Variants in POLR3E observed in about 807,000 individuals in gnomAD.
POLR3E encodes RNA polymerase III subunit E, also known as DNA-directed RNA polymerase III subunit RPC5.
Under a neutral mutation model 96.6 loss-of-function variants are expected in POLR3E, and 41 were observed. The ratio of observed to expected loss-of-function variants is 0.42; its 90% CI spans 0.33 to 0.55. POLR3E has a LOEUF of 0.55. Ranked by LOEUF, POLR3E falls within the 20% of genes least tolerant of loss-of-function variation. The probability of loss-of-function intolerance (pLI) is 0.06; values close to 1 mark genes in which losing one functional copy is unlikely to be tolerated. For missense variants in POLR3E, 849 were observed against 952.1 expected (o/e 0.89, Z 1.43); for synonymous variants, 396 against 383.6 (o/e 1.03, Z -0.38).
chr16:22,308,470 A>G (rs759255118), intron 4 of POLR3E: 72 of 539,718 alleles, frequency 1.3e-4, no homozygotes, highest in Non-Finnish European at 2.1e-4. Flanking sequence ...GGTTCCCAGG[A>G]TAAGACGAGG....
At chr16:22,328,282 C>T (rs113465908) in intron 18 of POLR3E, 61 of 551,222 alleles carry the variant, frequency 1.1e-4, no homozygotes, top group East Asian at 5.8e-4. Context: ...CTCCCCCTCT[C>T]GCTGAAGCCC....
intron 8 of POLR3E, among the ~76,000 whole-genome samples, chr16:22,314,537 A>G (rs1036219166): frequency 6.6e-6 from 1 of 152,232 alleles, no homozygotes. Flanking sequence ...AAAGAATCTT[A>G]ACCTTCCATT....
intron 9 of POLR3E, among the ~76,000 whole-genome samples, chr16:22,315,977 T>C (rs1478859426): frequency 1.3e-5 from 2 of 152,148 alleles, no homozygotes; most frequent in Non-Finnish European, 2.9e-5. Flanking sequence ...CCCTGGTGCA[T>C]TGATTTTAGA....
rs1413662049 is a variant in POLR3E, at chr16:22,326,212, C to T, written c.1800C>T (p.Ser600=). 7.4e-6 allele frequency: 12 copies of T among 1,613,538 alleles called. No individual in the cohort carries two copies. The East Asian group carries it at 1.8e-4, about 24-fold the overall frequency. The change falls in exon 18 of 21, where the codon AGC becomes AGT. Residue 600 remains serine (S), a synonymous_variant. Coordinates refer to ENST00000299853, the MANE Select transcript of POLR3E (RefSeq NM_018119.4). ...TGCCCCCCGGCCACACACTCTTCAG[C>T]GGCATCTCGGACCGCATGCTACAGG... ...ASLPPGHTLF[S]GISDRMLQDT...
chr16:22,302,737 C>CT (rs1307225773), intron 1 of POLR3E, 194 bp from the exon 2 acceptor site: 6 of 586,668 alleles, frequency 1.0e-5, no homozygotes, highest in Non-Finnish European at 1.8e-5. Flanking sequence ...TTGAGTGTTT[C>CT]TTTTTTTCTT....
intron 19 of POLR3E, among the ~76,000 whole-genome samples, chr16:22,329,322 A>T (rs572540568): frequency 6.6e-6 from 1 of 152,270 alleles, no homozygotes; most frequent in African/African-American, 2.4e-5. Context: ...GCCTCTAGTC[A>T]TACTGTGATG....
intron 1 of POLR3E, among the ~76,000 whole-genome samples, chr16:22,298,559 G>A (rs528518396): frequency 6.6e-5 from 10 of 152,198 alleles, no homozygotes; most frequent in South Asian, 2.1e-4. Context: ...AGCTGTGGTG[G>A]GATTTGAACC....
At chr16:22,299,935 G>C (rs946555340) in intron 1 of POLR3E, among the ~76,000 whole-genome samples, 1 of 151,968 alleles carries the variant, frequency 6.6e-6, no homozygotes, top group Non-Finnish European at 1.5e-5. Context: ...GGCTGGTCTC[G>C]AACTCCTGGT....
At chr16:22,323,027 C>T (rs2048502685) in intron 14 of POLR3E, 96 bp downstream of exon 14, 3 of 780,554 alleles carry the variant, frequency 3.8e-6, no homozygotes, top group African/African-American at 1.7e-5. Context: ...GCAGAGGCTC[C>T]AGGTGGAGGC....
At chr16:22,302,207 C>T (rs1313282698) in intron 1 of POLR3E, among the ~76,000 whole-genome samples, 5 of 152,086 alleles carry the variant, frequency 3.3e-5, no homozygotes, top group East Asian at 3.9e-4. Context: ...AGGCCTTTCC[C>T]GCCTCTCAAC....
chr16:22,317,039 A>G lies in POLR3E; in HGVS notation c.773A>G (p.Lys258Arg), dbSNP rs1357079132. 6.2e-7 allele frequency: 1 copy of G among 1,614,120 alleles called. No individual in the cohort carries two copies. Among genetic ancestry groups the G allele is most frequent in the Non-Finnish European group, 8.5e-7 (1 of 1,179,952 alleles). The change falls in exon 11 of 21, where the codon AAA (lysine) becomes AGA (arginine). Residue 258 changes from lysine to arginine, a missense_variant and splice_region_variant. Transcript: ENST00000299853. ...MLMPPSQEEE[K>R]DKPVAPSNVL... ...ATGCCACCCAGCCAGGAGGAGGAGA[A>G]GTGAGTAGAGGCGGCAGGACACCCT...
Position 22,302,982 on chromosome 16 carries a change from A to G in POLR3E, c.14A>G (p.Glu5Gly), listed in dbSNP as rs2048057956. 5 of 1,614,022 alleles carry G rather than the reference A, an allele frequency of 3.1e-6. No individual in the cohort carries two copies. In the East Asian group the frequency reaches 1.1e-4, roughly 36 times the overall value. Residue 5 changes from glutamate to glycine, a missense_variant, in exon 2 of 21, where the codon GAG becomes GGG. Transcript: ENST00000299853. ...CTCTCCTCTAGTATGGCCAATGAAG[A>G]GGATGACCCAGTTGTACAGGAGGTA... MANEEDDPVVQEIDV... is the reference protein window; with the variant it reads MANEGDDPVVQEIDV...
chr16:22,306,049 G>A (rs1486342593), intron 3 of POLR3E, among the ~76,000 whole-genome samples: 4 of 152,104 alleles, frequency 2.6e-5, no homozygotes. Context: ...GCCTATTAGC[G>A]ATCAGTCTGT....
At chr16:22,300,856 C>A (rs2048006697) in intron 1 of POLR3E, among the ~76,000 whole-genome samples, 1 of 152,208 alleles carries the variant, frequency 6.6e-6, no homozygotes, top group Non-Finnish European at 1.5e-5. Context: ...ATTTAGACAA[C>A]AAACATGTAT....
chr16:22,325,917 TGAGCGAGGA>T lies in POLR3E; in HGVS notation c.1507_1515del (p.Ser503_Glu505del). ...GGTGTGCGGATCAAGGAGGAGCCCG[TGAGCGAGGA>T]GGGCGAGGAGGACGAGGAGCAGGAG... On this transcript the variant is annotated inframe_deletion, in exon 18 of 21. Transcript: ENST00000299853. 1.9e-6 allele frequency: 3 copies of T among 1,602,946 alleles called. No individual in the cohort carries two copies. Among genetic ancestry groups the T allele is most frequent in the Non-Finnish European group, 2.6e-6 (3 of 1,174,660 alleles).
At chr16:22,314,325 G>C (rs1480485234) in intron 8 of POLR3E, among the ~76,000 whole-genome samples, 197 bp downstream of exon 8, 1 of 152,190 alleles carries the variant, frequency 6.6e-6, no homozygotes, top group Non-Finnish European at 1.5e-5. Context: ...CTGGATCCAG[G>C]AGATGTGTGC....
At chr16:22,309,759 G>C in intron 6 of POLR3E, 1 of 566,336 alleles carries the variant, frequency 1.8e-6, no homozygotes, top group African/African-American at 1.9e-5. Flanking sequence ...TGTCCTCCCG[G>C]GACACAGATA....
chr16:22,330,014 T>G (rs1246775864), intron 19 of POLR3E, among the ~76,000 whole-genome samples: 7 of 151,550 alleles, frequency 4.6e-5, no homozygotes, highest in Non-Finnish European at 7.4e-5. Flanking sequence ...GAGATTTAGC[T>G]CTCAACTATT....
At chr16:22,299,488 A>G (rs2047976737) in intron 1 of POLR3E, among the ~76,000 whole-genome samples, 2 of 142,360 alleles carry the variant, frequency 1.4e-5, no homozygotes, top group African/African-American at 2.7e-5. Flanking sequence ...ATCTCGGCTC[A>G]CTGCAACCTC....
Sources: allele counts gnomAD v4.1 joint callset (sites outside exome capture counted in the v4.1 genomes callset), GRCh38; gene constraint gnomAD v4.1.1; transcripts MANE v1.5; gene names NCBI Gene and HGNC (gene_info 2026-07-23, HGNC 2026-07-21).